ADAMTSL3: variants seen among roughly 807,000 people sequenced by gnomAD.
The protein encoded by ADAMTSL3 is ADAMTS like 3.
ADAMTSL3 carries 128 observed loss-of-function variants against 201.7 expected under a neutral mutation model. That is an observed-to-expected ratio of 0.63 (90% CI 0.55 to 0.73). The LOEUF is 0.73. ADAMTSL3 is among the 30% of genes least tolerant of loss of function. ADAMTSL3 has a pLI of 0.00. For synonymous variants in ADAMTSL3, 738 were observed against 748.4 expected, an observed-to-expected ratio of 0.99 and a Z score of 0.23; for missense variants, 1,990 against 2,119.6, an observed-to-expected ratio of 0.94 and a Z score of 1.20.
At chr15:83,896,201 G>A (rs2065610726) in intron 13 of ADAMTSL3, among the ~76,000 whole-genome samples, 1 of 150,756 alleles carries the variant, frequency 6.6e-6, no homozygotes, top group South Asian at 2.1e-4. Flanking sequence ...ACCCGGAAGT[G>A]GGTCGGGAGG....
chr15:83,857,006 G>A (rs543362998), intron 7 of ADAMTSL3, among the ~76,000 whole-genome samples: 67 of 152,056 alleles, frequency 4.4e-4, no homozygotes, highest in Non-Finnish European at 8.5e-4. Flanking sequence ...TTTTTTGTGT[G>A]TAATTCTCAT....
intron 7 of ADAMTSL3, among the ~76,000 whole-genome samples, chr15:83,848,579 T>C (rs1439668687): frequency 2.6e-5 from 4 of 152,218 alleles, no homozygotes; most frequent in East Asian, 3.8e-4. Context: ...AATGAAACTC[T>C]GTGTGATGAG....
intron 9 of ADAMTSL3, among the ~76,000 whole-genome samples, chr15:83,879,629 T>A (rs1208978157): frequency 2.0e-5 from 3 of 152,236 alleles, no homozygotes; most frequent in African/African-American, 7.2e-5. Context: ...TTTCAATATT[T>A]CAAAATTTGT....
intron 4 of ADAMTSL3, among the ~76,000 whole-genome samples, chr15:83,777,099 TCAGACCTGC>T (rs1316319780): frequency 6.6e-6 from 1 of 152,116 alleles, no homozygotes. Flanking sequence ...CAGAAGGCAC[TCAGACCTGC>T]ATCTGCCAGT....
At chr15:83,713,017 T>G (rs1243788195) in intron 3 of ADAMTSL3, among the ~76,000 whole-genome samples, 1 of 152,176 alleles carries the variant, frequency 6.6e-6, no homozygotes, top group Non-Finnish European at 1.5e-5. Context: ...ATCTCTCTAC[T>G]TCTCCCAGGT....
In ADAMTSL3 at chr15:83,874,943, C is replaced by T. The variant is rs141498022; in HGVS notation, c.960+3984C>T. ...TTGTCTTTCTTGTGGACCTTCTCAG[C>T]GAGGAAACCTCAGAAACTCCACAGT... is the stretch of plus-strand genomic sequence containing the variant. On this transcript the variant is annotated intron_variant, in intron 9 of 29. Transcript: ENST00000286744. 4.5e-3 allele frequency among the ~76,000 whole-genome samples: 650 copies of T among 145,460 alleles called. 112 individuals are homozygous for T. Among genetic ancestry groups the T allele is most frequent in the African/African-American group, 0.016 (616 of 38,070 alleles).
chr15:83,862,288 G>A (rs927978153), intron 8 of ADAMTSL3: 23 of 152,252 alleles, frequency 1.5e-4, no homozygotes, highest in Non-Finnish European at 2.8e-4. Flanking sequence ...GATACTCCTC[G>A]AGAAGAGCAA....
intron 10 of ADAMTSL3, among the ~76,000 whole-genome samples, chr15:83,888,481 C>T (rs1441156335): frequency 6.6e-6 from 1 of 152,014 alleles, no homozygotes; most frequent in African/African-American, 2.4e-5. Flanking sequence ...ACATAAAACC[C>T]ACAAGGAAAA....
chr15:83,782,115 G>GTGTTCACTGCAGCACTATTCA (rs1178489832), intron 4 of ADAMTSL3, among the ~76,000 whole-genome samples: 7 of 152,120 alleles, frequency 4.6e-5, no homozygotes, highest in African/African-American at 1.7e-4. Context: ...AAAGACACTT[G>GTGTTCACTGCAGCACTATTCA]CATGTATGTG....
chr15:83,816,916 A>C (rs1232303854), intron 5 of ADAMTSL3, among the ~76,000 whole-genome samples: 1 of 152,124 alleles, frequency 6.6e-6, no homozygotes, highest in East Asian at 1.9e-4. Flanking sequence ...GGAAAACCTG[A>C]GCTCTGGAGG....
intron 16 of ADAMTSL3, among the ~76,000 whole-genome samples, chr15:83,917,794 G>A (rs1447373518): frequency 6.6e-6 from 1 of 152,054 alleles, no homozygotes; most frequent in East Asian, 1.9e-4. Flanking sequence ...TAGAGTTGTG[G>A]TTTATTTTGC....
chr15:83,899,662 A>G lies in ADAMTSL3; in HGVS notation c.1631A>G (p.Glu544Gly), dbSNP rs375497964. 5.6e-6 allele frequency: 9 copies of G among 1,611,876 alleles called. No homozygotes were observed. Among genetic ancestry groups the G allele is most frequent in the African/African-American group, 5.3e-5 (4 of 74,806 alleles). ...TTTTTCTTAGAAAAAAGTCCAGTGG[A>G]AGCAAAATTGCCTTGGCTGAAACAA... ...CYKPKEKSPV[E>G]AKLPWLKQAQ... The change falls in exon 15 of 30, where the codon GAA (glutamate) becomes GGA (glycine). Residue 544 changes from glutamate to glycine, a missense_variant. Transcript: ENST00000286744.
intron 28 of ADAMTSL3, among the ~76,000 whole-genome samples, chr15:84,036,568 C>T (rs942536971): frequency 3.9e-5 from 6 of 152,188 alleles, no homozygotes; most frequent in African/African-American, 1.4e-4. Flanking sequence ...TAAGCAGGCG[C>T]ACTCCACCCC....
chr15:83,797,597 T>C (rs1002714240), intron 4 of ADAMTSL3, among the ~76,000 whole-genome samples: 9 of 152,074 alleles, frequency 5.9e-5, no homozygotes, highest in Admixed American at 3.9e-4. Flanking sequence ...CAAAACTCTG[T>C]CTACCCCAAA....
At chr15:83,911,306 G>T (rs558740415) in intron 15 of ADAMTSL3, among the ~76,000 whole-genome samples, 1 of 152,064 alleles carries the variant, frequency 6.6e-6, no homozygotes, top group Non-Finnish European at 1.5e-5. Context: ...TAGTATATAG[G>T]TATATATAGA....
chr15:83,819,488 A>C (rs948255534), intron 5 of ADAMTSL3, among the ~76,000 whole-genome samples: 1 of 152,122 alleles, frequency 6.6e-6, no homozygotes, highest in African/African-American at 2.4e-5. Context: ...TTGAAAATTT[A>C]TATTCAAGAT....
chr15:83,804,368 T>C (rs1035103296), intron 4 of ADAMTSL3, among the ~76,000 whole-genome samples: 1 of 152,144 alleles, frequency 6.6e-6, no homozygotes, highest in South Asian at 2.1e-4. Context: ...TGTACATTAA[T>C]TGTAGTGGTT....
Position 84,025,341 on chromosome 15 carries a change from G to C in ADAMTSL3, c.4561G>C (p.Val1521Leu). The part of the protein sequence containing the change: ...KRTKANGTVQ[V>L]VSPRACAPKD... Reference sequence around the variant, plus strand: ...GACAAAAGCCAATGGAACTGTGCAGGTGGTGTCTCCAAGAGCATGTGCCCC... The same window carrying C: ...GACAAAAGCCAATGGAACTGTGCAGCTGGTGTCTCCAAGAGCATGTGCCCC... The change falls in exon 27 of 30, where the codon GTG becomes CTG. Residue 1521 changes from valine (V) to leucine (L), a missense_variant. Physicochemically the swap from Val to Leu is conservative, Grantham distance 32. Coordinates refer to ENST00000286744, the MANE Select transcript of ADAMTSL3 (RefSeq NM_207517.3). 1 of 1,614,200 alleles carries C rather than the reference G, an allele frequency of 6.2e-7. No individual in the cohort carries two copies. Among genetic ancestry groups the C allele is most frequent in the Non-Finnish European group, 8.5e-7 (1 of 1,180,030 alleles).
intron 19 of ADAMTSL3, among the ~76,000 whole-genome samples, chr15:83,948,606 G>C (rs2066701256): frequency 6.6e-6 from 1 of 152,000 alleles, no homozygotes; most frequent in Non-Finnish European, 1.5e-5. Context: ...GTGTTTCTTG[G>C]GGCCAGGAAA....
Sources: allele counts gnomAD v4.1 joint callset (sites outside exome capture counted in the v4.1 genomes callset), GRCh38; gene constraint gnomAD v4.1.1; transcripts MANE v1.5; gene names NCBI Gene and HGNC (gene_info 2026-07-23, HGNC 2026-07-21).